CLEC1A: variants seen among roughly 807,000 people sequenced by gnomAD.
CLEC1A encodes the protein C-type lectin domain family 1 member A.
In CLEC1A, 34 loss-of-function variants were observed where a neutral mutation model predicts 28.7. The ratio of observed to expected loss-of-function variants is 1.18; its 90% confidence interval spans 0.90 to 1.57. CLEC1A has a LOEUF of 1.57. CLEC1A is among the 40% of genes most tolerant of loss of function. The pLI is 0.00. For missense variants in CLEC1A, 385 were observed against 339.5 expected, an observed-to-expected ratio of 1.13 and a Z score of -1.05; for synonymous variants, 116 against 121.0, an observed-to-expected ratio of 0.96 and a Z score of 0.27.
rs761963105 is a variant in CLEC1A at position 10,081,480 on chromosome 12, G to A, written c.215-67C>T. ...TGTTTTATTTCCATTTTCTGCTTAT[G>A]GGGAAGACAAAACAGTATATTTTTT... On this transcript the variant is annotated intron_variant, in intron 2 of 5. Coordinates refer to ENST00000315330, the MANE Select transcript of CLEC1A (RefSeq NM_016511.4). 72 of 1,327,460 alleles carry A rather than the reference G, an allele frequency of 5.4e-5. 1 individual carries two copies. The highest frequency in any genetic ancestry group is 7.1e-5 in the Non-Finnish European group (69 of 970,384). 82.2% of individuals were successfully genotyped at this position (1,327,460 alleles called of 1,614,324 possible).
chr12:10,087,472 T>TTTTA (rs1866520097), intron 2 of CLEC1A, among the ~76,000 whole-genome samples: 1 of 75,204 alleles, frequency 1.3e-5, no homozygotes, highest in Admixed American at 1.9e-4. Flanking sequence ...TACCTCAAAG[T>TTTTA]TATATATATA....
chr12:10,071,172 C>T lies in CLEC1A; in HGVS notation c.*161G>A. The T allele has an allele frequency of 6.4e-6, 4 of 623,518 alleles. No homozygotes were observed. The highest frequency in any genetic ancestry group is 1.1e-5 in the Non-Finnish European group (4 of 378,478). 38.6% of individuals were successfully genotyped at this position (623,518 alleles called of 1,614,324 possible). On this transcript the variant is annotated 3_prime_UTR_variant, in exon 6 of 6. Transcript: ENST00000315330. ...TGTTAAATACGTGCATAAACCCAAG[C>T]TCAGAAATGCTGGTGATCCTGAACA... is the stretch of plus-strand genomic sequence containing the variant.
At chr12:10,093,155 T>C (rs1003080256) in intron 1 of CLEC1A, among the ~76,000 whole-genome samples, 1 of 152,140 alleles carries the variant, frequency 6.6e-6, no homozygotes, top group African/African-American at 2.4e-5. Flanking sequence ...CTCCTAATCA[T>C]ACTGAAGTCT....
intron 2 of CLEC1A, among the ~76,000 whole-genome samples, chr12:10,084,821 CAAAAAAAAA>C (rs57574014): frequency 0.27 from 22,920 of 84,038 alleles, 2,854 homozygotes; most frequent in African/African-American, 0.45. Flanking sequence ...GACTCTGTAT[CAAAAAAAAA>C]AAAAAAAAAA....
chr12:10,071,647 T>C (rs2137324942), intron 5 of CLEC1A, 134 bp from the exon 6 acceptor site: 2 of 672,226 alleles, frequency 3.0e-6, no homozygotes, highest in Non-Finnish European at 4.5e-6. Context: ...TGGGGTCATG[T>C]GCCTCTTTCT....
At chr12:10,094,825 C>T (rs1947755081) in intron 1 of CLEC1A, among the ~76,000 whole-genome samples, 1 of 152,136 alleles carries the variant, frequency 6.6e-6, no homozygotes, top group South Asian at 2.1e-4. Flanking sequence ...GAAGAAGTTT[C>T]CCAAGGCTCT....
At chr12:10,087,793 A>G (rs993945727) in intron 2 of CLEC1A, among the ~76,000 whole-genome samples, 7 of 151,124 alleles carry the variant, frequency 4.6e-5, no homozygotes, top group Non-Finnish European at 1.0e-4. Flanking sequence ...AAAGTGCTGG[A>G]ATTACAGGCA....
At chr12:10,088,727 AC>A (rs1341373887) in intron 2 of CLEC1A, among the ~76,000 whole-genome samples, 2 of 151,960 alleles carry the variant, frequency 1.3e-5, no homozygotes, top group African/African-American at 4.8e-5. Flanking sequence ...TATTGATGGT[AC>A]CCGTGGCTCT....
chr12:10,094,943 T>G (rs1032558646), intron 1 of CLEC1A, among the ~76,000 whole-genome samples: 3 of 152,162 alleles, frequency 2.0e-5, no homozygotes, highest in Admixed American at 6.6e-5. Flanking sequence ...CTCTGGGAAC[T>G]CGCAAAACTA....
chr12:10,094,862 A>G (rs4764248), intron 1 of CLEC1A, among the ~76,000 whole-genome samples: 127,158 of 152,094 alleles, frequency 0.84, 54,413 homozygotes, highest in African/African-American at 0.9. Flanking sequence ...TTCTTAGTGT[A>G]CTGTATCAGG....
At chr12:10,084,992 A>T (rs1264687744) in intron 2 of CLEC1A, among the ~76,000 whole-genome samples, 2 of 152,094 alleles carry the variant, frequency 1.3e-5, no homozygotes, top group African/African-American at 4.8e-5. Context: ...TCAGCCAAGA[A>T]TTTTGTATCC....
At chr12:10,098,657 GAA>G (rs10706436) in intron 1 of CLEC1A, 149 bp downstream of exon 1, 396 of 471,934 alleles carry the variant, frequency 8.4e-4, no homozygotes, top group Middle Eastern at 1.7e-3. Flanking sequence ...GAATATAACT[GAA>G]AAAAAAAAAT....
intron 1 of CLEC1A, among the ~76,000 whole-genome samples, chr12:10,091,416 T>C (rs1221595382): frequency 6.6e-6 from 1 of 151,974 alleles, no homozygotes; most frequent in African/African-American, 2.4e-5. Flanking sequence ...TTTTGTAGGC[T>C]ATTGATTTTC....
intron 1 of CLEC1A, among the ~76,000 whole-genome samples, chr12:10,097,986 T>C (rs1947801454): frequency 1.6e-5 from 1 of 61,722 alleles, no homozygotes; most frequent in South Asian, 4.0e-4. Context: ...AAATAGAAAG[T>C]GAATGGAGGG....
chr12:10,095,018 A>AGC (rs1299916837), intron 1 of CLEC1A, among the ~76,000 whole-genome samples: 2 of 152,116 alleles, frequency 1.3e-5, no homozygotes, highest in East Asian at 3.9e-4. Context: ...ATTTAATAGC[A>AGC]CTAAATGACA....
intron 2 of CLEC1A, among the ~76,000 whole-genome samples, chr12:10,087,683 T>C (rs1866530223): frequency 1.3e-5 from 2 of 150,242 alleles, no homozygotes; most frequent in South Asian, 4.2e-4. Flanking sequence ...CCACCATGCC[T>C]GGCTAAGTTT....
chr12:10,097,828 C>T (rs1228635821), intron 1 of CLEC1A, among the ~76,000 whole-genome samples: 1 of 144,802 alleles, frequency 6.9e-6, no homozygotes, highest in African/African-American at 2.6e-5. Flanking sequence ...GCTACAAAAG[C>T]TGACATCCCT....
chr12:10,080,738 T>C (rs1331645288), intron 3 of CLEC1A, among the ~76,000 whole-genome samples: 1 of 152,234 alleles, frequency 6.6e-6, no homozygotes, highest in Non-Finnish European at 1.5e-5. Context: ...TCACCTACCA[T>C]TGGCACTGTC....
intron 2 of CLEC1A, among the ~76,000 whole-genome samples, chr12:10,082,167 G>A (rs925603571): frequency 6.6e-6 from 1 of 152,136 alleles, no homozygotes; most frequent in African/African-American, 2.4e-5. Context: ...AGAATCCAGG[G>A]GGCAAAGAGG....
Sources: allele counts gnomAD v4.1 joint callset (sites outside exome capture counted in the v4.1 genomes callset), GRCh38; gene constraint gnomAD v4.1.1; transcripts MANE v1.5; gene names NCBI Gene and HGNC (gene_info 2026-07-23, HGNC 2026-07-21).